Variants in CNTNAP2 observed in about 807,000 individuals in gnomAD.
CNTNAP2 encodes contactin associated protein 2, also known as contactin-associated protein-like 2.
CNTNAP2 carries 98 observed loss-of-function variants against 155.2 expected under a neutral mutation model. That is an observed-to-expected ratio of 0.63 (90% CI 0.54 to 0.75). CNTNAP2 has a LOEUF of 0.75. Ranked by LOEUF, CNTNAP2 falls within the 30% of genes least tolerant of loss-of-function variation. The pLI is 0.00. For missense variants in CNTNAP2, 1,727 were observed against 1,688.1 expected, an observed-to-expected ratio of 1.02 and a Z score of -0.40; for synonymous variants, 651 against 631.2, an observed-to-expected ratio of 1.03 and a Z score of -0.47.
At chr7:148,040,846 T>TTTTC in intron 15 of CNTNAP2, among the ~76,000 whole-genome samples, 1 of 152,062 alleles carries the variant, frequency 6.6e-6, no homozygotes, top group East Asian at 1.9e-4. Context: ...AGCAAATTTT[T>TTTTC]TTTTTTAAGA....
intron 5 of CNTNAP2, among the ~76,000 whole-genome samples, chr7:147,110,232 T>C (rs1346250831): frequency 6.6e-6 from 1 of 152,184 alleles, no homozygotes; most frequent in Non-Finnish European, 1.5e-5. Flanking sequence ...TTGTTGTTTT[T>C]AAATGGACAA....
chr7:146,312,285 A>C (rs1800837963), intron 1 of CNTNAP2, among the ~76,000 whole-genome samples: 1 of 152,156 alleles, frequency 6.6e-6, no homozygotes, highest in South Asian at 2.1e-4. Flanking sequence ...TATGGGTGAG[A>C]GTTAGTTGAT....
intron 4 of CNTNAP2, among the ~76,000 whole-genome samples, chr7:147,101,511 T>C (rs1041211131): frequency 6.6e-6 from 1 of 152,166 alleles, no homozygotes; most frequent in African/African-American, 2.4e-5. Flanking sequence ...AGAGTCAGGG[T>C]GACAGCCTTT....
intron 15 of CNTNAP2, among the ~76,000 whole-genome samples, chr7:148,072,826 G>A (rs1004756553): frequency 1.3e-5 from 2 of 152,152 alleles, no homozygotes; most frequent in Non-Finnish European, 2.9e-5. Flanking sequence ...TCCTGCCTCA[G>A]CCTCCCCAGT....
At chr7:148,003,602 A>G (rs774011602) in intron 15 of CNTNAP2, among the ~76,000 whole-genome samples, 2 of 152,326 alleles carry the variant, frequency 1.3e-5, no homozygotes, top group Middle Eastern at 6.8e-3. Context: ...AATTGAAAAG[A>G]CATTCTATCT....
intron 15 of CNTNAP2, among the ~76,000 whole-genome samples, chr7:147,984,558 C>A (rs1251797996): frequency 1.3e-5 from 2 of 152,000 alleles, no homozygotes; most frequent in African/African-American, 2.4e-5. Flanking sequence ...AAAAAAAAAT[C>A]TCTTATGCTC....
chr7:146,392,600 C>G (rs1242426653), intron 1 of CNTNAP2, among the ~76,000 whole-genome samples: 1 of 152,184 alleles, frequency 6.6e-6, no homozygotes, highest in Non-Finnish European at 1.5e-5. Context: ...ACTAAATGCT[C>G]ATTCTGGTAA....
At chr7:147,985,883 A>G (rs1269096494) in intron 15 of CNTNAP2, among the ~76,000 whole-genome samples, 2 of 152,142 alleles carry the variant, frequency 1.3e-5, no homozygotes, top group East Asian at 3.9e-4. Context: ...AAGCAGAGAA[A>G]TCTCAGGGCG....
At chr7:147,356,334 T>C (rs915589639) in intron 9 of CNTNAP2, among the ~76,000 whole-genome samples, 1 of 152,104 alleles carries the variant, frequency 6.6e-6, no homozygotes, top group East Asian at 1.9e-4. Context: ...TCATATTGAA[T>C]GGGCAAAAAC....
intron 1 of CNTNAP2, among the ~76,000 whole-genome samples, chr7:146,736,544 T>C (rs2129180360): frequency 6.6e-6 from 1 of 152,292 alleles, no homozygotes; most frequent in South Asian, 2.1e-4. Flanking sequence ...ATGAGGCAAC[T>C]GACACAAGTA....
At chr7:147,684,907 T>G (rs567476377) in intron 13 of CNTNAP2, among the ~76,000 whole-genome samples, 32 of 152,124 alleles carry the variant, frequency 2.1e-4, no homozygotes, top group African/African-American at 7.0e-4. Context: ...ACAAAGCATT[T>G]GAATTTGATG....
chr7:147,473,296 G>A (rs10236857), intron 10 of CNTNAP2, among the ~76,000 whole-genome samples: 118,580 of 152,154 alleles, frequency 0.78, 46,574 homozygotes, highest in African/African-American at 0.87. Context: ...TTTGTTTTAG[G>A]TAACATTAAT....
chr7:148,106,933 C>T (rs775777566), intron 15 of CNTNAP2, among the ~76,000 whole-genome samples: 1 of 152,064 alleles, frequency 6.6e-6, no homozygotes, highest in East Asian at 1.9e-4. Flanking sequence ...TAGCTATTCA[C>T]GTCTCCGCTT....
chr7:146,469,369 G>T (rs1047092534), intron 1 of CNTNAP2, among the ~76,000 whole-genome samples: 1 of 150,504 alleles, frequency 6.6e-6, no homozygotes, highest in African/African-American at 2.5e-5. Context: ...CTGAGAAAAT[G>T]TTGGAAGCAT....
chr7:146,248,197 A>G (rs1296875393), intron 1 of CNTNAP2, among the ~76,000 whole-genome samples: 2 of 151,970 alleles, frequency 1.3e-5, no homozygotes, highest in Non-Finnish European at 2.9e-5. Flanking sequence ...ATCGAGGCGC[A>G]GAGATATGAG....
At chr7:148,354,775 C>A (rs1359255849) in intron 21 of CNTNAP2, among the ~76,000 whole-genome samples, 1 of 151,986 alleles carries the variant, frequency 6.6e-6, no homozygotes, top group South Asian at 2.1e-4. Flanking sequence ...CTTTCCACCC[C>A]CACCTCAAGC....
intron 3 of CNTNAP2, among the ~76,000 whole-genome samples, chr7:146,921,510 G>A (rs180771872): frequency 3.9e-4 from 59 of 152,154 alleles, no homozygotes; most frequent in African/African-American, 9.6e-4. Context: ...GGGTTTAATC[G>A]ACTCACAGTT....
chr7:146,728,299 A>G (rs146473643), intron 1 of CNTNAP2, among the ~76,000 whole-genome samples: 1 of 152,296 alleles, frequency 6.6e-6, no homozygotes, highest in African/African-American at 2.4e-5. Context: ...CAAGATAAGT[A>G]GCTGTAATGA....
chr7:147,439,626 G>A (rs1307619179), intron 10 of CNTNAP2, among the ~76,000 whole-genome samples: 1 of 151,894 alleles, frequency 6.6e-6, no homozygotes, highest in Non-Finnish European at 1.5e-5. Flanking sequence ...TAAGTCTGAT[G>A]TTCCTTTGTT....
Sources: allele counts gnomAD v4.1 joint callset (sites outside exome capture counted in the v4.1 genomes callset), GRCh38; gene constraint gnomAD v4.1.1; transcripts MANE v1.5; gene names NCBI Gene and HGNC (gene_info 2026-07-23, HGNC 2026-07-21).